The following EHBP1 variants were observed in gnomAD, a reference collection of about 807,000 sequenced individuals.
The protein encoded by EHBP1 is EH domain binding protein 1, also known as EH domain-binding protein 1.
Under a neutral mutation model 144.0 loss-of-function variants are expected in EHBP1, and 55 were observed. The observed-to-expected ratio is 0.38, with a 90% confidence interval of 0.31 to 0.48. The LOEUF is 0.48. EHBP1 is among the 20% of genes least tolerant of loss of function. The pLI, the probability that EHBP1 is intolerant of heterozygous loss-of-function variation, is 0.98. For synonymous variants in EHBP1, 469 were observed against 472.7 expected, an observed-to-expected ratio of 0.99 and a Z score of 0.10; for missense variants, 1,200 against 1,364.2, an observed-to-expected ratio of 0.88 and a Z score of 1.90.
intron 1 of EHBP1, 109 bp downstream of exon 1, chr2:62,706,161 T>A (rs1234283115): frequency 1.3e-5 from 2 of 153,110 alleles, no homozygotes; most frequent in African/African-American, 4.8e-5. Context: ...AGCCACCGCC[T>A]GTCTCCGCTG....
chr2:62,704,756 A>AT (rs1052321231), upstream of EHBP1, among the ~76,000 whole-genome samples: 5 of 152,150 alleles, frequency 3.3e-5, no homozygotes, highest in East Asian at 1.9e-4. Flanking sequence ...ACTGAAAACA[A>AT]TTTTTTGTGT....
At chr2:62,912,589 A>C (rs1353136044) in intron 10 of EHBP1, among the ~76,000 whole-genome samples, 1 of 152,112 alleles carries the variant, frequency 6.6e-6, no homozygotes, top group Non-Finnish European at 1.5e-5. Context: ...AAATAAAACC[A>C]ATACTTGTAT....
At chr2:62,707,362 G>T in intron 2 of EHBP1, 67 bp downstream of exon 2, 1 of 1,173,950 alleles carries the variant, frequency 8.5e-7, no homozygotes, top group South Asian at 1.2e-5. Flanking sequence ...TAAACTCTGG[G>T]TCTTCTGATA....
chr2:62,748,935 T>G (rs1333576628), intron 3 of EHBP1, among the ~76,000 whole-genome samples: 1 of 152,214 alleles, frequency 6.6e-6, no homozygotes, highest in East Asian at 1.9e-4. Context: ...TATGTATACT[T>G]GTATAATTAC....
At chr2:62,942,634 A>C in intron 10 of EHBP1, 84 bp from the exon 11 acceptor site, 1 of 1,246,290 alleles carries the variant, frequency 8.0e-7, no homozygotes, top group Non-Finnish European at 1.1e-6. Flanking sequence ...CAAAGGGTTC[A>C]AATGATCTGA....
At position 63,033,779 on chromosome 2, in the gene EHBP1, A is replaced by G. The variant is rs2061356577; in HGVS notation, c.3104-3756A>G. Among the ~76,000 whole-genome samples the G allele has an allele frequency of 2.0e-5, 3 of 152,146 alleles. No homozygotes were observed. The South Asian group carries it at 6.2e-4, about 31-fold the overall frequency. ...TTGCTAAATAAAAATAATAACTTTG[A>G]AGATTTCTTGGAAGATATGTAATGT... On this transcript the variant is annotated intron_variant, in intron 19 of 22. Coordinates refer to ENST00000431489, the MANE Select transcript of EHBP1 (RefSeq NM_001142616.3).
intron 9 of EHBP1, among the ~76,000 whole-genome samples, chr2:62,868,981 TAAAAG>T (rs552649058): frequency 1.5e-3 from 233 of 152,012 alleles, no homozygotes; most frequent in Middle Eastern, 6.8e-3. Context: ...AAAAATTTAT[TAAAAG>T]AAAGGGGGAA....
intron 19 of EHBP1, among the ~76,000 whole-genome samples, chr2:63,027,905 T>C (rs2061052430): frequency 6.6e-6 from 1 of 152,150 alleles, no homozygotes; most frequent in South Asian, 2.1e-4. Flanking sequence ...TTGTACAACG[T>C]GGTGAGTATA....
intron 10 of EHBP1, among the ~76,000 whole-genome samples, chr2:62,903,288 C>G (rs1558885777): frequency 6.6e-6 from 1 of 152,026 alleles, no homozygotes; most frequent in African/African-American, 2.4e-5. Context: ...CTTGGTGTAG[C>G]ATTTTTACAA....
At chr2:62,906,477 G>T (rs1177360424) in intron 10 of EHBP1, among the ~76,000 whole-genome samples, 3 of 152,114 alleles carry the variant, frequency 2.0e-5, no homozygotes, top group Admixed American at 6.6e-5. Flanking sequence ...CTCAATTTCA[G>T]CTGGGATGCA....
intron 1 of EHBP1, among the ~76,000 whole-genome samples, chr2:62,678,259 C>A (rs2033381124): frequency 6.6e-6 from 1 of 152,094 alleles, no homozygotes; most frequent in Non-Finnish European, 1.5e-5. Context: ...TTTTCATATA[C>A]CTGTTTGCAA....
At chr2:62,917,948 G>A (rs181474531) in intron 10 of EHBP1, among the ~76,000 whole-genome samples, 3 of 151,564 alleles carry the variant, frequency 2.0e-5, no homozygotes, top group Admixed American at 2.0e-4. Context: ...CCAGGCTGGA[G>A]TGCAGTGGCA....
chr2:62,705,482 G>T (rs1170757239), upstream of EHBP1, among the ~76,000 whole-genome samples: 2 of 151,838 alleles, frequency 1.3e-5, no homozygotes, highest in East Asian at 3.9e-4. Context: ...GTCCTTAGTC[G>T]GTTCCTTCTT....
chr2:62,732,499 A>G (rs1220814433), intron 2 of EHBP1, among the ~76,000 whole-genome samples: 2 of 152,140 alleles, frequency 1.3e-5, no homozygotes, highest in Non-Finnish European at 2.9e-5. Context: ...ATGGTTTAGC[A>G]CCATCCCTCT....
intron 9 of EHBP1, among the ~76,000 whole-genome samples, chr2:62,871,434 C>T (rs975015772): frequency 6.6e-6 from 1 of 152,174 alleles, no homozygotes; most frequent in African/African-American, 2.4e-5. Flanking sequence ...CCTGTAAATA[C>T]TCTAGCTTCT....
At chr2:62,945,928 A>G (rs1574179805) in intron 12 of EHBP1, among the ~76,000 whole-genome samples, 2 of 152,338 alleles carry the variant, frequency 1.3e-5, no homozygotes, top group Non-Finnish European at 2.9e-5. Context: ...GTTACAAAGT[A>G]AACTGTTCTC....
intron 11 of EHBP1, 109 bp from the exon 12 acceptor site, chr2:62,943,693 G>C (rs532575809): frequency 1.8e-6 from 1 of 563,304 alleles, no homozygotes; most frequent in African/African-American, 2.0e-5. Flanking sequence ...TGAAATTGCT[G>C]GTTACTCTTT....
At chr2:62,800,995 C>A (rs1195232633) in intron 5 of EHBP1, among the ~76,000 whole-genome samples, 2 of 152,192 alleles carry the variant, frequency 1.3e-5, no homozygotes, top group African/African-American at 4.8e-5. Context: ...AAGGAATCAA[C>A]CCTGGGCACC....
intron 10 of EHBP1, among the ~76,000 whole-genome samples, chr2:62,883,808 T>A (rs2051681357): frequency 6.6e-6 from 1 of 152,018 alleles, no homozygotes; most frequent in African/African-American, 2.4e-5. Flanking sequence ...TACAAAAAAA[T>A]TAAAATAAAA....
Sources: allele counts gnomAD v4.1 joint callset (sites outside exome capture counted in the v4.1 genomes callset), GRCh38; gene constraint gnomAD v4.1.1; transcripts MANE v1.5; gene names NCBI Gene and HGNC (gene_info 2026-07-23, HGNC 2026-07-21).